CHD2: variants seen among roughly 807,000 people sequenced by gnomAD.
CHD2 encodes the protein chromodomain helicase DNA binding protein 2.
In CHD2, 28 loss-of-function variants were observed where a neutral mutation model predicts 243.9. The observed-to-expected ratio is 0.11, with a 90% CI of 0.09 to 0.16. The LOEUF is 0.16. Ranked by LOEUF, CHD2 falls within the 10% of genes least tolerant of loss-of-function variation. The pLI, the probability that CHD2 is intolerant of heterozygous loss-of-function variation, is 1.00. For synonymous variants in CHD2, 775 were observed against 779.0 expected, an observed-to-expected ratio of 0.99 and a Z score of 0.09; for missense variants, 1,386 against 2,209.8, an observed-to-expected ratio of 0.63 and a Z score of 7.47.
At chr15:92,940,418 C>T (rs2053341190) in intron 7 of CHD2, among the ~76,000 whole-genome samples, 1 of 151,650 alleles carries the variant, frequency 6.6e-6, no homozygotes, top group Non-Finnish European at 1.5e-5. Context: ...CTGCACTCCA[C>T]TCCAGGCAAA....
At chr15:92,920,649 T>C (rs1424777394) in intron 2 of CHD2, among the ~76,000 whole-genome samples, 1 of 152,238 alleles carries the variant, frequency 6.6e-6, no homozygotes, top group Non-Finnish European at 1.5e-5. Flanking sequence ...GTTGGAGTTT[T>C]CTGTTTCCTA....
intron 28 of CHD2, 110 bp downstream of exon 28, chr15:92,993,108 A>T: frequency 8.9e-7 from 1 of 1,118,394 alleles, no homozygotes; most frequent in Non-Finnish European, 1.3e-6. Flanking sequence ...ATGCCTAGTG[A>T]TTTCAGGTGT....
chr15:93,008,284 C>G (rs576328770), intron 34 of CHD2, among the ~76,000 whole-genome samples: 1 of 152,216 alleles, frequency 6.6e-6, no homozygotes, highest in Admixed American at 6.5e-5. Context: ...GGGCTCAGCC[C>G]TCATCTGTGC....
At chr15:92,940,976 A>C (rs55925423) in intron 7 of CHD2, among the ~76,000 whole-genome samples, 2 of 50,540 alleles carry the variant, frequency 4.0e-5, no homozygotes, top group East Asian at 2.1e-3. Flanking sequence ...TATAAATATA[A>C]ATATAAATAT....
intron 37 of CHD2, among the ~76,000 whole-genome samples, chr15:93,019,661 T>A (rs1314861153): frequency 6.6e-6 from 1 of 152,018 alleles, no homozygotes; most frequent in Non-Finnish European, 1.5e-5. Context: ...AGGCTGGGCG[T>A]GGTGGCTCAC....
intron 2 of CHD2, among the ~76,000 whole-genome samples, chr15:92,911,383 G>A (rs1169692153): frequency 6.6e-6 from 1 of 152,138 alleles, no homozygotes; most frequent in Non-Finnish European, 1.5e-5. Context: ...TTCAAACAGT[G>A]GCAGTTTGAC....
At chr15:92,932,193 G>C (rs1365168432) in intron 5 of CHD2, among the ~76,000 whole-genome samples, 1 of 151,618 alleles carries the variant, frequency 6.6e-6, no homozygotes, top group Non-Finnish European at 1.5e-5. Context: ...TCATATTTCA[G>C]TTTTGTCAAT....
intron 2 of CHD2, among the ~76,000 whole-genome samples, chr15:92,916,043 T>C (rs1242545287): frequency 6.6e-6 from 1 of 152,194 alleles, no homozygotes; most frequent in Non-Finnish European, 1.5e-5. Context: ...GTGTATTCAG[T>C]GAAAGGCTAA....
At chr15:92,987,737 AT>A (rs2054062776) in intron 26 of CHD2, among the ~76,000 whole-genome samples, 1 of 151,776 alleles carries the variant, frequency 6.6e-6, no homozygotes, top group Non-Finnish European at 1.5e-5. Flanking sequence ...AGTAGGAATT[AT>A]GTCTGCATTT....
intron 9 of CHD2, 36 bp downstream of exon 9, chr15:92,943,104 G>A: frequency 6.6e-7 from 1 of 1,521,186 alleles, no homozygotes; most frequent in Non-Finnish European, 9.1e-7. Context: ...AAATGTATTT[G>A]CAGCCTGAAA....
At chr15:92,959,772 G>A (rs561895939) in intron 16 of CHD2, among the ~76,000 whole-genome samples, 6 of 152,334 alleles carry the variant, frequency 3.9e-5, no homozygotes, top group African/African-American at 1.2e-4. Flanking sequence ...TATTATAGGC[G>A]TGAGCCACTG....
chr15:92,903,694 T>C (rs1425360522), intron 2 of CHD2, among the ~76,000 whole-genome samples: 1 of 152,230 alleles, frequency 6.6e-6, no homozygotes, highest in Non-Finnish European at 1.5e-5. Flanking sequence ...AATTTGCAGC[T>C]TGGGGATAAC....
At chr15:92,946,736 C>T (rs1030374316) in intron 12 of CHD2, 1 of 152,464 alleles carries the variant, frequency 6.6e-6, no homozygotes, top group Non-Finnish European at 1.5e-5. Context: ...GATCCACCCA[C>T]CTTGGCCTCC....
intron 1 of CHD2, 134 bp from the exon 2 acceptor site, chr15:92,901,030 AAAT>A (rs1367050111): frequency 1.7e-6 from 1 of 575,942 alleles, no homozygotes; most frequent in Non-Finnish European, 3.1e-6. Flanking sequence ...TTTAAGGAAA[AAAT>A]AGAAATATTT....
chr15:92,965,845 T>TA (rs543029468), intron 16 of CHD2, among the ~76,000 whole-genome samples: 46 of 152,228 alleles, frequency 3.0e-4, no homozygotes, highest in African/African-American at 1.1e-3. Context: ...ATCTTGGAAA[T>TA]AAACTTTACA....
At chr15:92,904,579 G>C (rs994533572) in intron 2 of CHD2, 12 of 1,035,230 alleles carry the variant, frequency 1.2e-5, no homozygotes, top group African/African-American at 1.0e-4. Flanking sequence ...GTCCGCCCTT[G>C]CCTGTAGCGG....
intron 28 of CHD2, among the ~76,000 whole-genome samples, chr15:92,994,514 CAAAT>C (rs1163947872): frequency 6.6e-6 from 1 of 151,800 alleles, no homozygotes; most frequent in Non-Finnish European, 1.5e-5. Flanking sequence ...TTGTAAAAGA[CAAAT>C]AACTTGTATG....
intron 7 of CHD2, among the ~76,000 whole-genome samples, chr15:92,940,851 AATAT>A (rs1596393902): frequency 1.9e-5 from 2 of 106,608 alleles, no homozygotes; most frequent in African/African-American, 2.8e-5. Context: ...AATATATATA[AATAT>A]ATAAATATAT....
intron 13 of CHD2, among the ~76,000 whole-genome samples, chr15:92,950,764 AAAG>A (rs1018816951): frequency 1.3e-4 from 19 of 151,928 alleles, no homozygotes; most frequent in Non-Finnish European, 2.6e-4. Context: ...AAAAAAAAAA[AAAG>A]GACAGCTTAA....
Sources: gnomAD v4.1 joint callset for allele counts (sites outside exome capture counted in the v4.1 genomes callset) on GRCh38, gnomAD v4.1.1 for gene constraint, MANE v1.5 for transcripts, NCBI Gene and HGNC (gene_info 2026-07-23, HGNC 2026-07-21) for gene names.